UBAP2: variants seen among roughly 807,000 people sequenced by gnomAD.
UBAP2 encodes the protein ubiquitin associated protein 2, also known as ubiquitin-associated protein 2.
In UBAP2, 75 loss-of-function variants were observed where a neutral mutation model predicts 139.6. The observed-to-expected ratio is 0.54, with a 90% CI of 0.45 to 0.65. The LOEUF is 0.65. Ranked by LOEUF, UBAP2 falls within the 30% of genes least tolerant of loss-of-function variation. The probability of loss-of-function intolerance (pLI) is 0.00; values close to 1 mark genes in which losing one functional copy is unlikely to be tolerated. For missense variants in UBAP2, 1,368 were observed against 1,369.6 expected, an observed-to-expected ratio of 1.00 and a Z score of 0.02; for synonymous variants, 526 against 526.2, an observed-to-expected ratio of 1.00 and a Z score of 0.01.
At chr9:33,988,527 G>A (rs770215373) in intron 5 of UBAP2, among the ~76,000 whole-genome samples, 1 of 152,156 alleles carries the variant, frequency 6.6e-6, no homozygotes, top group East Asian at 1.9e-4. Flanking sequence ...TATACCATGA[G>A]TGTCTATAAA....
intron 6 of UBAP2, among the ~76,000 whole-genome samples, chr9:33,981,652 C>T (rs1327609133): frequency 6.6e-6 from 1 of 151,766 alleles, no homozygotes; most frequent in Non-Finnish European, 1.5e-5. Context: ...CTGTACTTGG[C>T]CTGAAATTAT....
intron 2 of UBAP2, among the ~76,000 whole-genome samples, chr9:34,012,595 T>G (rs528273844): frequency 1.3e-5 from 2 of 152,024 alleles, no homozygotes; most frequent in African/African-American, 4.8e-5. Flanking sequence ...ATGTTCTGAT[T>G]TTTTATAATT....
chr9:34,014,978 A>T (rs928086177), intron 2 of UBAP2, among the ~76,000 whole-genome samples: 8 of 152,334 alleles, frequency 5.3e-5, no homozygotes, highest in Middle Eastern at 3.4e-3. Context: ...GCAGAATACT[A>T]CACTAACTTT....
chr9:34,048,856 T>TGCC lies in UBAP2; in HGVS notation c.-76_-74dup, dbSNP rs753833083. 1,418 of 152,320 alleles carry TGCC rather than the reference T, an allele frequency of 9.3e-3. 17 individuals are homozygous for TGCC. The highest frequency in any genetic ancestry group is 0.016 in the Non-Finnish European group (1,076 of 68,162). 9.4% of individuals were successfully genotyped at this position (152,320 alleles called of 1,614,324 possible). On this transcript the variant is annotated 5_prime_UTR_variant, in exon 1 of 29. Transcript: ENST00000379238. Reference sequence around the variant, plus strand: ...TGCTCTCGGAGGACCCAAGACCCGCTGCCGCCGCCGCCGCTCGTTACCTGC... The same window carrying TGCC: ...TGCTCTCGGAGGACCCAAGACCCGCTGCCGCCGCCGCCGCCGCTCGTTACCTGC...
chr9:33,942,318 A>G (rs950655187), intron 15 of UBAP2, among the ~76,000 whole-genome samples: 2 of 152,096 alleles, frequency 1.3e-5, no homozygotes, highest in Non-Finnish European at 2.9e-5. Context: ...CTAGAAAAAA[A>G]GAAAAAAAAT....
rs535722627 is a variant in UBAP2, at chr9:33,958,815, G to A, written c.798+2011C>T. Reference sequence around the variant, plus strand: ...GATCCCTTGAGCACAGGAGTTTGGGGCTGGAGTGAGCTGGCCAACAGTGCA... The same window carrying A: ...GATCCCTTGAGCACAGGAGTTTGGGACTGGAGTGAGCTGGCCAACAGTGCA... On this transcript the variant is annotated intron_variant, in intron 10 of 28. Transcript: ENST00000379238. Among the ~76,000 whole-genome samples, 26 of 151,532 alleles carry A rather than the reference G, an allele frequency of 1.7e-4. 1 individual carries two copies. The highest frequency in any genetic ancestry group is 6.1e-4 in the African/African-American group (25 of 41,244).
intron 3 of UBAP2, chr9:33,997,136 C>T (rs925916434): frequency 1.3e-5 from 2 of 152,158 alleles, no homozygotes; most frequent in South Asian, 2.1e-4. Context: ...ACAAAACACA[C>T]TCCTAGACAT....
chr9:33,926,153 C>T (rs1361702236), intron 22 of UBAP2, among the ~76,000 whole-genome samples: 2 of 152,190 alleles, frequency 1.3e-5, no homozygotes, highest in Non-Finnish European at 1.5e-5. Context: ...ACCATCAGCT[C>T]AAGCCACTCA....
At chr9:33,947,299 C>T (rs1438394645) in intron 13 of UBAP2, among the ~76,000 whole-genome samples, 2 of 152,124 alleles carry the variant, frequency 1.3e-5, no homozygotes, top group Admixed American at 6.6e-5. Flanking sequence ...CCCACATGGC[C>T]AGCTCCACAA....
chr9:33,979,229 C>T (rs1330895070), intron 6 of UBAP2, among the ~76,000 whole-genome samples: 1 of 152,078 alleles, frequency 6.6e-6, no homozygotes, highest in East Asian at 1.9e-4. Context: ...CAGAGTGAGA[C>T]CCTGTCTCTA....
At chr9:33,975,247 T>C (rs965142353) in intron 6 of UBAP2, among the ~76,000 whole-genome samples, 6 of 146,534 alleles carry the variant, frequency 4.1e-5, no homozygotes, top group Non-Finnish European at 7.5e-5. Flanking sequence ...CTGGCCAATA[T>C]GGTGAAACCC....
At chr9:33,925,566 A>G (rs1465632792) in intron 22 of UBAP2, among the ~76,000 whole-genome samples, 1 of 152,240 alleles carries the variant, frequency 6.6e-6, no homozygotes, top group Non-Finnish European at 1.5e-5. Flanking sequence ...CCCGGGGCTC[A>G]GCACCACCTC....
At chr9:33,973,917 CT>C (rs1157839794) in intron 6 of UBAP2, among the ~76,000 whole-genome samples, 1 of 152,140 alleles carries the variant, frequency 6.6e-6, no homozygotes, top group Non-Finnish European at 1.5e-5. Context: ...AAATTAAAAA[CT>C]TTTCTGGGAC....
chr9:34,016,190 AATAGAAGGAAGAGGAG>A (rs1564063860), intron 2 of UBAP2, among the ~76,000 whole-genome samples: 2 of 62,010 alleles, frequency 3.2e-5, no homozygotes, highest in Non-Finnish European at 9.0e-5. Context: ...GAAGAGGAGG[AATAGAAGGAAGAGGAG>A]GAATAGGAGG....
In UBAP2 at chr9:33,970,387, T is replaced by C. The variant is rs546014136; in HGVS notation, c.679+1264A>G. Among the ~76,000 whole-genome samples the C allele has an allele frequency of 2.9e-4, 44 of 152,154 alleles. No individual in the cohort carries two copies. The South Asian group carries it at 8.1e-3, about 28-fold the overall frequency. The stretch of plus-strand genomic sequence containing the variant: ...TGGTTAGTCGTGCTTCTGGTGGTAC[T>C]CTCTTATTTTTTGGCTAGGGTTGAT... On this transcript the variant is annotated intron_variant, in intron 8 of 28. Coordinates refer to ENST00000379238, the MANE Select transcript of UBAP2 (RefSeq NM_001370062.2).
chr9:33,954,269 T>TACACACACACACACACACAC (rs60078088), intron 11 of UBAP2, among the ~76,000 whole-genome samples: 4,548 of 139,732 alleles, frequency 0.033, 119 homozygotes, highest in Non-Finnish European at 0.047. Flanking sequence ...TGTGTGTATA[T>TACACACACACACACACACAC]ACACACACAC....
chr9:33,957,831 G>A (rs767660251), intron 10 of UBAP2, among the ~76,000 whole-genome samples: 5 of 152,198 alleles, frequency 3.3e-5, no homozygotes, highest in African/African-American at 1.2e-4. Context: ...GCAGGAGGTA[G>A]AGGAGACAGT....
chr9:33,959,452 CATTT>C (rs1337940181), intron 10 of UBAP2, among the ~76,000 whole-genome samples: 6 of 152,180 alleles, frequency 3.9e-5, no homozygotes, highest in Non-Finnish European at 7.3e-5. Flanking sequence ...ATTTGTAACC[CATTT>C]ATTATTTCCC....
intron 6 of UBAP2, 30 bp from the exon 7 acceptor site, chr9:33,973,267 A>T: frequency 6.2e-7 from 1 of 1,602,274 alleles, no homozygotes; most frequent in Non-Finnish European, 8.6e-7. Context: ...TATAGTATAA[A>T]ATAATACTTA....
Sources: allele counts gnomAD v4.1 joint callset (sites outside exome capture counted in the v4.1 genomes callset), GRCh38; gene constraint gnomAD v4.1.1; transcripts MANE v1.5; gene names NCBI Gene and HGNC (gene_info 2026-07-23, HGNC 2026-07-21).